The following SUCLG2 variants were observed in gnomAD, a reference collection of about 807,000 sequenced individuals.
The protein encoded by SUCLG2 is succinate--CoA ligase [GDP-forming] subunit beta, mitochondrial.
SUCLG2 carries 42 observed loss-of-function variants against 47.9 expected under a neutral mutation model. The ratio of observed to expected loss-of-function variants is 0.88; its 90% confidence interval spans 0.69 to 1.14. SUCLG2 has a LOEUF of 1.14. Ranked by LOEUF, SUCLG2 falls within the 50% of genes most tolerant of loss-of-function variation. The pLI is 0.00. For synonymous variants in SUCLG2, 195 were observed against 197.3 expected (o/e 0.99, Z 0.10); for missense variants, 571 against 525.9 (o/e 1.09, Z -0.84).
intron 2 of SUCLG2, among the ~76,000 whole-genome samples, chr3:67,553,901 A>T (rs749706167): frequency 7.9e-5 from 12 of 152,214 alleles, no homozygotes; most frequent in Non-Finnish European, 1.8e-4. Context: ...TCAACTAAAA[A>T]ATGTACGCAG....
At chr3:67,401,798 A>G (rs1357893716) in intron 9 of SUCLG2, among the ~76,000 whole-genome samples, 3 of 152,244 alleles carry the variant, frequency 2.0e-5, no homozygotes, top group Non-Finnish European at 4.4e-5. Flanking sequence ...GCATATATAT[A>G]TGTGCTGCAT....
intron 9 of SUCLG2, among the ~76,000 whole-genome samples, chr3:67,447,901 G>A (rs1232215662): frequency 1.3e-5 from 2 of 152,038 alleles, no homozygotes; most frequent in East Asian, 3.9e-4. Flanking sequence ...GCTAATTTTT[G>A]TATTTTTAGT....
chr3:67,636,755 C>T (rs1479345207), intron 1 of SUCLG2, among the ~76,000 whole-genome samples: 1 of 151,714 alleles, frequency 6.6e-6, no homozygotes, highest in South Asian at 2.1e-4. Flanking sequence ...CTCGGCCTCC[C>T]AAAGTTCTGA....
At chr3:67,587,249 A>T (rs1226458971) in intron 2 of SUCLG2, among the ~76,000 whole-genome samples, 3 of 152,192 alleles carry the variant, frequency 2.0e-5, no homozygotes, top group Non-Finnish European at 4.4e-5. Flanking sequence ...ATTATCACTC[A>T]TCTTAAAAAT....
chr3:67,493,945 C>G (rs914387320), intron 9 of SUCLG2, among the ~76,000 whole-genome samples: 17 of 152,332 alleles, frequency 1.1e-4, no homozygotes, highest in African/African-American at 3.4e-4. Flanking sequence ...TTATGGCTGG[C>G]TGCCTTTGAA....
chr3:67,640,363 G>C (rs1244953695), intron 1 of SUCLG2, among the ~76,000 whole-genome samples: 1 of 152,212 alleles, frequency 6.6e-6, no homozygotes, highest in African/African-American at 2.4e-5. Flanking sequence ...GTTAAACAGA[G>C]TTTAGTAAGG....
chr3:67,535,688 A>G (rs1160449214), intron 2 of SUCLG2, among the ~76,000 whole-genome samples: 1 of 152,228 alleles, frequency 6.6e-6, no homozygotes, highest in Non-Finnish European at 1.5e-5. Flanking sequence ...GCCTGGGTCC[A>G]TATGGCTCAG....
At chr3:67,474,319 C>G (rs1318041637) in intron 9 of SUCLG2, among the ~76,000 whole-genome samples, 1 of 151,962 alleles carries the variant, frequency 6.6e-6, no homozygotes, top group African/African-American at 2.4e-5. Context: ...TTTTCTAGAG[C>G]TTAATTTCTA....
chr3:67,390,699 A>G (rs1702361056), intron 10 of SUCLG2, among the ~76,000 whole-genome samples: 1 of 152,100 alleles, frequency 6.6e-6, no homozygotes, highest in Non-Finnish European at 1.5e-5. Flanking sequence ...TGGCACAAAA[A>G]TTGCCTAGAC....
At chr3:67,440,582 A>G (rs1427387282) in intron 9 of SUCLG2, among the ~76,000 whole-genome samples, 2 of 152,228 alleles carry the variant, frequency 1.3e-5, no homozygotes, top group East Asian at 3.8e-4. Context: ...ATGAACAGAC[A>G]CTTCTCAAAA....
intron 9 of SUCLG2, among the ~76,000 whole-genome samples, chr3:67,435,077 T>G (rs2106895975): frequency 1.3e-5 from 2 of 152,316 alleles, no homozygotes; most frequent in Middle Eastern, 3.4e-3. Flanking sequence ...CCTGTTTATC[T>G]GCTTGAGTGG....
intron 2 of SUCLG2, among the ~76,000 whole-genome samples, chr3:67,572,220 C>A (rs1707632980): frequency 6.6e-6 from 1 of 152,222 alleles, no homozygotes. Context: ...TACAATCCTA[C>A]ATCTAAAGTG....
intron 9 of SUCLG2, among the ~76,000 whole-genome samples, chr3:67,443,999 C>A (rs1187759059): frequency 8.4e-6 from 1 of 118,418 alleles, no homozygotes; most frequent in Non-Finnish European, 1.9e-5. Context: ...CCGCCCCATC[C>A]GGGAGGGAGG....
chr3:67,571,397 A>G (rs1707603466), intron 2 of SUCLG2, among the ~76,000 whole-genome samples: 1 of 152,218 alleles, frequency 6.6e-6, no homozygotes, highest in African/African-American at 2.4e-5. Context: ...GTTGACATTT[A>G]CCGGATGAAC....
At chr3:67,482,121 A>C (rs1704933884) in intron 9 of SUCLG2, among the ~76,000 whole-genome samples, 1 of 152,194 alleles carries the variant, frequency 6.6e-6, no homozygotes, top group African/African-American at 2.4e-5. Context: ...TGGAGGTTGC[A>C]GTGAGCCAAG....
At chr3:67,619,447 T>C (rs9833802) in intron 1 of SUCLG2, among the ~76,000 whole-genome samples, 69,739 of 151,554 alleles carry the variant, frequency 0.46, 16,419 homozygotes, top group African/African-American at 0.55. Flanking sequence ...GCTGGTGTAT[T>C]ATCTCCCAGT....
chr3:67,415,167 A>G (rs1432084620), intron 9 of SUCLG2, among the ~76,000 whole-genome samples: 1 of 152,210 alleles, frequency 6.6e-6, no homozygotes, highest in East Asian at 1.9e-4. Flanking sequence ...GAATTTGAAA[A>G]TATTTCTGCA....
At chr3:67,549,150 G>A (rs1436565250) in intron 2 of SUCLG2, among the ~76,000 whole-genome samples, 2 of 152,190 alleles carry the variant, frequency 1.3e-5, no homozygotes, top group African/African-American at 2.4e-5. Flanking sequence ...GCTTGCCCAA[G>A]TATTTCTGTG....
intron 9 of SUCLG2, among the ~76,000 whole-genome samples, chr3:67,449,098 T>G (rs1348333177): frequency 6.6e-6 from 1 of 152,216 alleles, no homozygotes; most frequent in Non-Finnish European, 1.5e-5. Context: ...ATTAAGAACA[T>G]TCTAAAAAGA....
Sources: allele counts gnomAD v4.1 joint callset (sites outside exome capture counted in the v4.1 genomes callset), GRCh38; gene constraint gnomAD v4.1.1; transcripts MANE v1.5; gene names NCBI Gene and HGNC (gene_info 2026-07-23, HGNC 2026-07-21).